Variants in RBMS3 observed in about 807,000 individuals in gnomAD.
RBMS3 encodes RNA binding motif single stranded interacting protein 3.
Under a neutral mutation model 66.8 loss-of-function variants are expected in RBMS3, and 27 were observed. The ratio of observed to expected loss-of-function variants is 0.40; its 90% confidence interval spans 0.30 to 0.56. RBMS3 has a LOEUF of 0.56. Ranked by LOEUF, RBMS3 falls within the 20% of genes least tolerant of loss-of-function variation. The probability of loss-of-function intolerance (pLI) is 0.40; values close to 1 mark genes in which losing one functional copy is unlikely to be tolerated. For synonymous variants in RBMS3, 188 were observed against 183.0 expected (o/e 1.03, Z -0.22); for missense variants, 513 against 549.5 (o/e 0.93, Z 0.66).
At chr3:29,476,158 G>A (rs1248222594) in intron 2 of RBMS3, among the ~76,000 whole-genome samples, 1 of 152,168 alleles carries the variant, frequency 6.6e-6, no homozygotes, top group Admixed American at 6.5e-5. Context: ...ACTTGAGACA[G>A]CACTACACAA....
chr3:29,418,840 A>G (rs1272153208), intron 1 of RBMS3, among the ~76,000 whole-genome samples: 1 of 152,098 alleles, frequency 6.6e-6, no homozygotes, highest in Non-Finnish European at 1.5e-5. Context: ...TCCTTCTCTC[A>G]TTTTATTTTT....
chr3:29,462,398 T>A (rs76126267), intron 2 of RBMS3, among the ~76,000 whole-genome samples: 1 of 152,218 alleles, frequency 6.6e-6, no homozygotes. Context: ...TACATTATCA[T>A]ATGTTGCCTC....
chr3:29,999,009 G>A (rs200463818), intron 14 of RBMS3, among the ~76,000 whole-genome samples: 5,384 of 152,056 alleles, frequency 0.035, 248 homozygotes, highest in East Asian at 0.16. Context: ...GAAAATTTTC[G>A]CAACCTACTC....
intron 3 of RBMS3, among the ~76,000 whole-genome samples, chr3:29,546,546 T>C (rs1363661508): frequency 6.6e-6 from 1 of 152,196 alleles, no homozygotes; most frequent in African/African-American, 2.4e-5. Flanking sequence ...AACACTGGTG[T>C]GCTTACCTTA....
At chr3:29,416,952 G>T (rs2040501319) in intron 1 of RBMS3, among the ~76,000 whole-genome samples, 3 of 151,974 alleles carry the variant, frequency 2.0e-5, no homozygotes, top group Admixed American at 2.0e-4. Flanking sequence ...TGAAGCTGAA[G>T]AAAACATTTC....
chr3:29,759,206 T>C (rs922486371), intron 5 of RBMS3, among the ~76,000 whole-genome samples: 1 of 151,856 alleles, frequency 6.6e-6, no homozygotes, highest in Non-Finnish European at 1.5e-5. Flanking sequence ...TCTTAGTAGC[T>C]GTTTGAAAAA....
At chr3:29,922,209 C>G (rs561688215) in intron 10 of RBMS3, among the ~76,000 whole-genome samples, 1 of 152,130 alleles carries the variant, frequency 6.6e-6, no homozygotes, top group Non-Finnish European at 1.5e-5. Flanking sequence ...TAACAGAGGC[C>G]GGGCACGGTG....
chr3:29,657,448 T>C (rs1262750706), intron 4 of RBMS3, among the ~76,000 whole-genome samples: 2 of 152,350 alleles, frequency 1.3e-5, no homozygotes, highest in African/African-American at 4.8e-5. Flanking sequence ...TCTTCTCCAC[T>C]GAGCATTGAA....
At chr3:29,329,912 A>G (rs56052444) in intron 1 of RBMS3, among the ~76,000 whole-genome samples, 48,344 of 147,602 alleles carry the variant, frequency 0.33, 8,346 homozygotes, top group Middle Eastern at 0.4. Context: ...ATATTAATAT[A>G]ACTATAGAAT....
intron 4 of RBMS3, among the ~76,000 whole-genome samples, chr3:29,678,488 ATTC>A (rs746859377): frequency 1.2e-4 from 18 of 152,130 alleles, no homozygotes; most frequent in Non-Finnish European, 2.5e-4. Context: ...ACCAACCAAG[ATTC>A]TTTGTCTCCA....
intron 2 of RBMS3, among the ~76,000 whole-genome samples, chr3:29,452,973 T>A (rs1468221443): frequency 2.6e-5 from 4 of 152,222 alleles, no homozygotes. Flanking sequence ...TTGGTGTAAA[T>A]TTTAATGCAT....
chr3:29,695,506 C>T (rs889187555), intron 4 of RBMS3, among the ~76,000 whole-genome samples: 16 of 152,118 alleles, frequency 1.1e-4, no homozygotes, highest in African/African-American at 3.9e-4. Context: ...ATTATTTTCA[C>T]TCTTTAAATG....
intron 1 of RBMS3, among the ~76,000 whole-genome samples, chr3:29,427,392 T>C (rs893192843): frequency 6.6e-6 from 1 of 152,216 alleles, no homozygotes; most frequent in Admixed American, 6.5e-5. Context: ...TTCACCCTCA[T>C]TTAAGGCTAT....
intron 3 of RBMS3, among the ~76,000 whole-genome samples, chr3:29,533,560 GAGGTT>G: frequency 6.6e-6 from 1 of 152,208 alleles, no homozygotes; most frequent in African/African-American, 2.4e-5. Context: ...GGTGGATCAC[GAGGTT>G]AGGAGTTCAA....
At chr3:29,642,578 C>G (rs759046754) in intron 4 of RBMS3, 3 of 152,064 alleles carry the variant, frequency 2.0e-5, no homozygotes, top group Non-Finnish European at 4.4e-5. Flanking sequence ...AAACACTGCC[C>G]CAGTCACTGC....
chr3:29,662,097 A>G (rs1202607895), intron 4 of RBMS3, among the ~76,000 whole-genome samples: 1 of 152,220 alleles, frequency 6.6e-6, no homozygotes, highest in South Asian at 2.1e-4. Flanking sequence ...GGGAGGAAAA[A>G]TAGTCTGTAC....
intron 12 of RBMS3, among the ~76,000 whole-genome samples, chr3:29,978,027 C>T (rs1343431767): frequency 3.3e-5 from 5 of 152,074 alleles, no homozygotes; most frequent in Non-Finnish European, 7.4e-5. Flanking sequence ...TAGTCCTCTG[C>T]CATTTATTAG....
At chr3:29,628,193 C>T (rs1207014160) in intron 4 of RBMS3, among the ~76,000 whole-genome samples, 2 of 151,990 alleles carry the variant, frequency 1.3e-5, no homozygotes, top group South Asian at 2.1e-4. Context: ...AATTAATGCT[C>T]AATATAAACA....
chr3:29,315,737 C>T (rs2034633833), intron 1 of RBMS3, among the ~76,000 whole-genome samples: 1 of 151,596 alleles, frequency 6.6e-6, no homozygotes, highest in Non-Finnish European at 1.5e-5. Flanking sequence ...ACACTAGTTG[C>T]TATATTTTGG....
Sources: gnomAD v4.1 joint callset for allele counts (sites outside exome capture counted in the v4.1 genomes callset) on GRCh38, gnomAD v4.1.1 for gene constraint, MANE v1.5 for transcripts, NCBI Gene and HGNC (gene_info 2026-07-23, HGNC 2026-07-21) for gene names.